The following FOXP1 variants were observed in gnomAD, a reference collection of about 807,000 sequenced individuals.
The protein encoded by FOXP1 is forkhead box P1, also known as forkhead box protein P1.
In FOXP1, 15 loss-of-function variants were observed where a neutral mutation model predicts 98.2. That is an observed-to-expected ratio of 0.15 (90% CI 0.10 to 0.24). The LOEUF is 0.24. Among genes scored for constraint, FOXP1 ranks in the 10% least tolerant of loss-of-function variants. FOXP1 has a pLI of 1.00. For missense variants in FOXP1, 633 were observed against 848.5 expected (o/e 0.75, Z 3.15); for synonymous variants, 371 against 314.5 (o/e 1.18, Z -1.90).
intron 5 of FOXP1, chr3:71,289,517 CTT>C (rs1210552687): frequency 6.6e-6 from 1 of 151,884 alleles, no homozygotes; most frequent in Non-Finnish European, 1.5e-5. Context: ...CCATGCTCAG[CTT>C]TGTTTCCTAC....
At chr3:71,546,745 C>T (rs905466655) in intron 2 of FOXP1, among the ~76,000 whole-genome samples, 4 of 152,180 alleles carry the variant, frequency 2.6e-5, no homozygotes, top group Non-Finnish European at 4.4e-5. Flanking sequence ...ACAGTGAAGT[C>T]AGGGAGCTGC....
intron 5 of FOXP1, among the ~76,000 whole-genome samples, chr3:71,291,598 A>T (rs971480581): frequency 6.6e-6 from 1 of 152,194 alleles, no homozygotes; most frequent in Non-Finnish European, 1.5e-5. Context: ...ACTACTTTAC[A>T]TTGCAAAGAC....
intron 7 of FOXP1, among the ~76,000 whole-genome samples, chr3:71,063,294 T>C (rs1559849489): frequency 6.6e-6 from 1 of 152,286 alleles, no homozygotes; most frequent in Non-Finnish European, 1.5e-5. Context: ...AACGTGCTTC[T>C]GTCTTCAATT....
At chr3:71,512,884 C>T (rs1004534416) in intron 2 of FOXP1, among the ~76,000 whole-genome samples, 1 of 152,142 alleles carries the variant, frequency 6.6e-6, no homozygotes, top group Non-Finnish European at 1.5e-5. Flanking sequence ...AGAACCAGCA[C>T]GCCAGCCCTA....
intron 2 of FOXP1, among the ~76,000 whole-genome samples, chr3:71,557,315 T>A (rs6549400): frequency 1.3e-5 from 2 of 151,580 alleles, no homozygotes; most frequent in Admixed American, 1.3e-4. Context: ...ATCTCCATAT[T>A]ATCTTCCACA....
intron 2 of FOXP1, among the ~76,000 whole-genome samples, chr3:71,562,152 C>T (rs1004790810): frequency 6.6e-6 from 1 of 152,196 alleles, no homozygotes; most frequent in Non-Finnish European, 1.5e-5. Flanking sequence ...AAGAACTCTA[C>T]ATGAGTCCTC....
At chr3:71,481,069 T>C (rs185843834) in intron 3 of FOXP1, among the ~76,000 whole-genome samples, 8 of 152,272 alleles carry the variant, frequency 5.3e-5, no homozygotes, top group African/African-American at 1.9e-4. Flanking sequence ...TACACATACA[T>C]ATATATACAA....
At chr3:71,025,093 T>C (rs953245108) in intron 11 of FOXP1, among the ~76,000 whole-genome samples, 6 of 152,180 alleles carry the variant, frequency 3.9e-5, no homozygotes, top group African/African-American at 9.7e-5. Context: ...ATACAACCTA[T>C]TTAAACGAGA....
intron 6 of FOXP1, among the ~76,000 whole-genome samples, chr3:71,164,492 C>T (rs2108167537): frequency 6.6e-6 from 1 of 152,302 alleles, no homozygotes; most frequent in African/African-American, 2.4e-5. Flanking sequence ...AGGCACAGCG[C>T]CCGGTCCCGA....
At chr3:71,581,881 A>AT (rs2048201132) in intron 1 of FOXP1, 184 bp from the exon 2 acceptor site, 2 of 985,182 alleles carry the variant, frequency 2.0e-6, no homozygotes, top group Non-Finnish European at 2.4e-6. Flanking sequence ...CCCTGCAAGG[A>AT]TCCAGAGACC....
intron 6 of FOXP1, among the ~76,000 whole-genome samples, chr3:71,165,922 C>T (rs1307035540): frequency 2.0e-5 from 3 of 152,204 alleles, no homozygotes; most frequent in Non-Finnish European, 4.4e-5. Context: ...AGAAGCACCA[C>T]GTTTGAGCAA....
At chr3:71,010,208 T>A in intron 12 of FOXP1, among the ~76,000 whole-genome samples, 1 of 152,082 alleles carries the variant, frequency 6.6e-6, no homozygotes, top group East Asian at 1.9e-4. Context: ...AAACTTTCTT[T>A]ACATCCACTG....
At chr3:71,027,615 A>G (rs906072029) in intron 11 of FOXP1, among the ~76,000 whole-genome samples, 3 of 152,198 alleles carry the variant, frequency 2.0e-5, no homozygotes, top group Non-Finnish European at 2.9e-5. Flanking sequence ...AGGTTCTTAG[A>G]TCAGTCTCCA....
intron 4 of FOXP1, among the ~76,000 whole-genome samples, chr3:71,316,892 G>A (rs113797776): frequency 2.6e-5 from 4 of 151,928 alleles, no homozygotes; most frequent in African/African-American, 9.7e-5. Context: ...TCCTAACCTC[G>A]TGATCCGCCC....
rs1396277874 is a variant in FOXP1 at position 70,957,978 on chromosome 3, CG to C, written c.*1268del. 2 of 247,042 alleles carry C rather than the reference CG, an allele frequency of 8.1e-6. No homozygotes were observed. Among genetic ancestry groups the C allele is most frequent in the Non-Finnish European group, 1.6e-5 (2 of 126,750 alleles). 15.3% of individuals were successfully genotyped at this position (247,042 alleles called of 1,614,324 possible). On this transcript the variant is annotated 3_prime_UTR_variant, in exon 21 of 21. Transcript: ENST00000649528. ...CACCCCTACTTTCAGGGCAGCTGCT[CG>C]GGGAAGCCGGTTTTTTTTTTTGGCC...
intron 5 of FOXP1, among the ~76,000 whole-genome samples, chr3:71,268,303 A>G (rs2069941753): frequency 6.6e-6 from 1 of 151,884 alleles, no homozygotes; most frequent in African/African-American, 2.4e-5. Flanking sequence ...AAGGAGGCGG[A>G]AAATAATTCT....
intron 5 of FOXP1, among the ~76,000 whole-genome samples, chr3:71,274,483 A>C (rs1355291427): frequency 6.6e-6 from 1 of 152,108 alleles, no homozygotes; most frequent in Non-Finnish European, 1.5e-5. Flanking sequence ...AAATGGGGTA[A>C]ATTCAGAAGA....
intron 4 of FOXP1, among the ~76,000 whole-genome samples, chr3:71,317,057 C>A (rs1391114638): frequency 6.6e-6 from 1 of 152,152 alleles, no homozygotes; most frequent in Non-Finnish European, 1.5e-5. Context: ...AGGGAACCCA[C>A]CCCAACATAT....
intron 4 of FOXP1, chr3:71,304,851 G>GAA (rs1177353131): frequency 6.6e-6 from 1 of 152,078 alleles, no homozygotes; most frequent in African/African-American, 2.4e-5. Flanking sequence ...ACCGGCGGGG[G>GAA]AACAGCACAC....
Sources: gnomAD v4.1 joint callset for allele counts (sites outside exome capture counted in the v4.1 genomes callset) on GRCh38, gnomAD v4.1.1 for gene constraint, MANE v1.5 for transcripts, NCBI Gene and HGNC (gene_info 2026-07-23, HGNC 2026-07-21) for gene names.